The following SERINC1 variants were observed in gnomAD, a reference collection of about 807,000 sequenced individuals.
The protein encoded by SERINC1 is serine incorporator 1.
In SERINC1, 38 loss-of-function variants were observed where a neutral mutation model predicts 52.9. The ratio of observed to expected loss-of-function variants is 0.72; its 90% confidence interval spans 0.55 to 0.94. SERINC1 has a LOEUF of 0.94. SERINC1 is among the 40% of genes least tolerant of loss of function. SERINC1 has a pLI of 0.00. For missense variants in SERINC1, 471 were observed against 533.9 expected (o/e 0.88, Z 1.16); for synonymous variants, 198 against 183.1 (o/e 1.08, Z -0.66).
At chr6:122,459,581 A>G (rs1775064329) in intron 1 of SERINC1, among the ~76,000 whole-genome samples, 1 of 152,224 alleles carries the variant, frequency 6.6e-6, no homozygotes, top group Non-Finnish European at 1.5e-5. Flanking sequence ...AATATACTTT[A>G]GCAAAAGTTA....
rs773593968 is a variant in SERINC1 at position 122,454,140 on chromosome 6, G to A, written c.451+11C>T. ...ATATCAATGTCAAACAACTTAAAAA[G>A]GATTTCTTACCAGTTGTAAAAGTTC... On this transcript the variant is annotated intron_variant, in intron 4 of 9. Transcript: ENST00000339697. The A allele has an allele frequency of 4.8e-6, 7 of 1,469,940 alleles. No individual in the cohort carries two copies. In the East Asian group the frequency reaches 1.6e-4, roughly 34 times the overall value. 91.1% of individuals were successfully genotyped at this position (1,469,940 alleles called of 1,614,324 possible).
chr6:122,445,053 A>C lies in SERINC1; in HGVS notation c.1353T>G (p.Asp451Glu). 1 of 1,613,040 alleles carries C rather than the reference A, an allele frequency of 6.2e-7. No individual in the cohort carries two copies. The change falls in exon 10 of 10, where the codon GAT (aspartate) becomes GAG (glutamate). Residue 451 changes from aspartate (D) to glutamate (E), a missense_variant. Coordinates refer to ENST00000339697, the MANE Select transcript of SERINC1 (RefSeq NM_020755.4). ...ATGCTAGAAGTCTCACTCAGTCAAA[A>C]TCACGATTTGTAAGAACAAGTGGTG... ...LVAPLVLTNR[D>E]FD is the part of the protein sequence containing the mutation.
chr6:122,448,788 ATTT>A (rs67382351), intron 7 of SERINC1, among the ~76,000 whole-genome samples: 1,241 of 119,454 alleles, frequency 0.01, 13 homozygotes, highest in African/African-American at 0.037. Context: ...TGCTTTGCCT[ATTT>A]TTTTTTTTTT....
At chr6:122,461,523 G>A (rs1775099790) in intron 1 of SERINC1, among the ~76,000 whole-genome samples, 1 of 143,072 alleles carries the variant, frequency 7.0e-6, no homozygotes, top group East Asian at 2.3e-4. Flanking sequence ...TTGGGGGAGG[G>A]GGGAGGGATA....
chr6:122,469,875 A>G (rs1775246497), intron 1 of SERINC1, among the ~76,000 whole-genome samples: 1 of 152,138 alleles, frequency 6.6e-6, no homozygotes, highest in African/African-American at 2.4e-5. Flanking sequence ...TACTTTTGAA[A>G]AGCTGAATAA....
chr6:122,452,632 G>A lies in SERINC1; in HGVS notation c.590-575C>T, dbSNP rs76755053. ...AGTTGTTTAGCCTTTATGCTAATAT[G>A]TGCCTAATATACAAGTATTTATGTA... On this transcript the variant is annotated intron_variant, in intron 5 of 9. Transcript: ENST00000339697. 5.2e-3 allele frequency among the ~76,000 whole-genome samples: 798 copies of A among 152,164 alleles called. 7 individuals are homozygous for A. Among genetic ancestry groups the A allele is most frequent in the African/African-American group, 0.018 (755 of 41,512 alleles).
At chr6:122,460,168 G>C (rs1775076281) in intron 1 of SERINC1, among the ~76,000 whole-genome samples, 1 of 152,146 alleles carries the variant, frequency 6.6e-6, no homozygotes, top group South Asian at 2.1e-4. Flanking sequence ...CCCACTCCGG[G>C]TTCAAGGGAT....
Position 122,471,758 on chromosome 6 carries a change from A to G in SERINC1, c.-21T>C, listed in dbSNP as rs768021470. The G allele has an allele frequency of 8.1e-6, 13 of 1,613,930 alleles. No homozygotes were observed. The Admixed American group carries it at 2.2e-4, about 27-fold the overall frequency. On this transcript the variant is annotated 5_prime_UTR_variant, in exon 1 of 10. Coordinates refer to ENST00000339697, the MANE Select transcript of SERINC1 (RefSeq NM_020755.4). ...CCCATCTCCACAACGTCACAAGAGCAGCGGATACAGACAAGATGGAGACAG... is the reference window on the plus strand; with the variant it reads ...CCCATCTCCACAACGTCACAAGAGCGGCGGATACAGACAAGATGGAGACAG...
At position 122,456,522 on chromosome 6, in the gene SERINC1, T is replaced by G. The variant is rs761572488; in HGVS notation, c.330A>C (p.Lys110Asn). The G allele has an allele frequency of 6.2e-7, 1 of 1,610,756 alleles. No homozygotes were observed. The highest frequency in any genetic ancestry group is 1.1e-5 in the South Asian group (1 of 90,250). The change falls in exon 3 of 10, where the codon AAA (lysine) becomes AAC (asparagine). Residue 110 changes from lysine to asparagine, a missense_variant. By Grantham distance (94) the Lys-to-Asn change is moderately conservative. Coordinates refer to ENST00000339697, the MANE Select transcript of SERINC1 (RefSeq NM_020755.4). The stretch of plus-strand genomic sequence containing the variant: ...CTCTAGGATCACTGCTACTCTTCAC[T>G]TTGATCATTAGTAAAGAGAGAAGAA... ...FYLLLSLLMI[K>N]VKSSSDPRAA... is the part of the protein sequence containing the mutation.
At chr6:122,446,478 T>C (rs565418305) in intron 9 of SERINC1, among the ~76,000 whole-genome samples, 25 of 151,994 alleles carry the variant, frequency 1.6e-4, no homozygotes, top group African/African-American at 6.0e-4. Context: ...CTTTACAGAA[T>C]TGAAAAAAAA....
In SERINC1 at chr6:122,446,760, T is replaced by C. The variant is rs550453743; in HGVS notation, c.1226+14A>G. 38 of 1,554,880 alleles carry C rather than the reference T, an allele frequency of 2.4e-5. No homozygotes were observed. The East Asian group carries it at 8.1e-4, about 33-fold the overall frequency. On this transcript the variant is annotated intron_variant, in intron 9 of 9. Transcript: ENST00000339697. ...AGAATTCACACATCCAGAGTTTTCA[T>C]GAAATATAAATACCTGTACCAGTTG... is the stretch of plus-strand genomic sequence containing the variant.
Position 122,446,774 on chromosome 6 carries a change from C to T in SERINC1, c.1226G>A (p.Arg409Lys), listed in dbSNP as rs1562212096. Residue 409 changes from arginine to lysine, a missense_variant and splice_region_variant, in exon 9 of 10, where the codon AGG becomes AAG. Arg to Lys is a conservative substitution (Grantham distance 26). Transcript: ENST00000339697. ...CAGAGTTTTCATGAAATATAAATAC[C>T]TGTACCAGTTGGTAAGGGTCATCAT... ...YIMMTLTNWY[R>K]YEPSREMKSQ... 2 of 1,589,830 alleles carry T rather than the reference C, an allele frequency of 1.3e-6. No individual in the cohort carries two copies. The highest frequency in any genetic ancestry group is 1.7e-6 in the Non-Finnish European group (2 of 1,158,170).
intron 7 of SERINC1, 26 bp downstream of exon 7, chr6:122,451,638 G>C (rs1277538287): frequency 2.4e-6 from 2 of 821,090 alleles, no homozygotes; most frequent in East Asian, 6.0e-5. Context: ...GAACCTTTAG[G>C]AACATGTAAT....
intron 7 of SERINC1, 126 bp from the exon 8 acceptor site, chr6:122,447,391 G>A (rs1262094721): frequency 3.1e-6 from 2 of 644,244 alleles, no homozygotes; most frequent in South Asian, 2.7e-5. Flanking sequence ...AAAGGCATCA[G>A]TATAACAAAA....
At chr6:122,453,653 A>C in intron 5 of SERINC1, 117 bp downstream of exon 5, 2 of 792,278 alleles carry the variant, frequency 2.5e-6, no homozygotes, top group Non-Finnish European at 3.7e-6. Flanking sequence ...GTTTAAATTA[A>C]AAACCTCATC....
At position 122,451,721 on chromosome 6, in the gene SERINC1, A is replaced by G; in HGVS notation, c.793T>C (p.Ser265Pro). 1 of 1,167,338 alleles carries G rather than the reference A, an allele frequency of 8.6e-7. No individual in the cohort carries two copies. Among genetic ancestry groups the G allele is most frequent in the Non-Finnish European group, 1.1e-6 (1 of 879,864 alleles). 72.3% of individuals were successfully genotyped at this position (1,167,338 alleles called of 1,614,324 possible). Residue 265 changes from serine (S) to proline (P), a missense_variant, in exon 7 of 10, where the codon TCA (serine) becomes CCA (proline). Coordinates refer to ENST00000339697, the MANE Select transcript of SERINC1 (RefSeq NM_020755.4). Reference sequence around the variant, plus strand: ...TACATTGTGTAGACTGTAATTACTGAAGACTGTAACAAACCAGATCTTGGT... The same window carrying G: ...TACATTGTGTAGACTGTAATTACTGGAGACTGTAACAAACCAGATCTTGGT... Reference protein sequence around the residue: ...SQPRSGLLQSSVITVYTMYLT... With the variant: ...SQPRSGLLQSPVITVYTMYLT...
At chr6:122,449,171 G>A (rs961709189) in intron 7 of SERINC1, among the ~76,000 whole-genome samples, 4 of 152,052 alleles carry the variant, frequency 2.6e-5, no homozygotes, top group Non-Finnish European at 1.5e-5. Flanking sequence ...TGGAAATTAG[G>A]CCAGTTAATA....
chr6:122,470,899 A>G (rs557329810), intron 1 of SERINC1, among the ~76,000 whole-genome samples: 2 of 152,076 alleles, frequency 1.3e-5, no homozygotes, highest in Admixed American at 1.3e-4. Context: ...AAATAAACTG[A>G]AATTTGTGCC....
At chr6:122,463,508 A>G (rs1358958934) in intron 1 of SERINC1, among the ~76,000 whole-genome samples, 1 of 152,192 alleles carries the variant, frequency 6.6e-6, no homozygotes, top group Non-Finnish European at 1.5e-5. Flanking sequence ...ACTCAGTGAT[A>G]AGAAAACAAA....
Sources: gnomAD v4.1 joint callset for allele counts (sites outside exome capture counted in the v4.1 genomes callset) on GRCh38, gnomAD v4.1.1 for gene constraint, MANE v1.5 for transcripts, NCBI Gene and HGNC (gene_info 2026-07-23, HGNC 2026-07-21) for gene names.